AFF2: variants seen among roughly 807,000 people sequenced by gnomAD.
AFF2 encodes the protein ALF transcription elongation factor 2, also known as AF4/FMR2 family member 2.
AFF2 carries 14 observed loss-of-function variants against 76.9 expected under a neutral mutation model. The observed-to-expected ratio is 0.18, with a 90% CI of 0.12 to 0.28. The LOEUF is 0.28. Among genes scored for constraint, AFF2 ranks in the 10% least tolerant of loss-of-function variants. The pLI is 1.00. For synonymous variants in AFF2, 398 were observed against 366.7 expected (o/e 1.09, Z -0.98); for missense variants, 868 against 1,001.1 (o/e 0.87, Z 1.79).
At chrX:148,841,648 T>A (rs1557274290) in intron 5 of AFF2, among the ~76,000 whole-genome samples, 2 of 111,884 alleles carry the variant, frequency 1.8e-5, no homozygotes, top group Non-Finnish European at 3.8e-5. Context: ...TCTGTGTCAT[T>A]TTTGTGGGCT....
chrX:148,898,752 A>G (rs1376332375), intron 8 of AFF2, among the ~76,000 whole-genome samples: 1 of 111,593 alleles, frequency 9.0e-6, no homozygotes, highest in Non-Finnish European at 1.9e-5. Flanking sequence ...GTCCAGGCCT[A>G]TGAGTTTGCC....
At chrX:148,648,215 C>T (rs1169718016) in intron 1 of AFF2, among the ~76,000 whole-genome samples, 1 of 111,254 alleles carries the variant, frequency 9.0e-6, no homozygotes, top group Non-Finnish European at 1.9e-5. Context: ...AGGGCAGTTC[C>T]TCTGTTTGTG....
chrX:148,566,496 A>C (rs1361743663), intron 1 of AFF2, among the ~76,000 whole-genome samples: 1 of 111,359 alleles, frequency 9.0e-6, no homozygotes, highest in Admixed American at 9.6e-5. Flanking sequence ...ATAGTTCTCT[A>C]TTTGAATCAG....
intron 1 of AFF2, among the ~76,000 whole-genome samples, chrX:148,518,668 A>G (rs2052563982): frequency 8.9e-6 from 1 of 111,947 alleles, no homozygotes; most frequent in African/African-American, 3.3e-5. Flanking sequence ...TGCAGAAGGA[A>G]TTCCAGCATT....
At chrX:148,681,723 G>GGAAA (rs1171039681) in intron 3 of AFF2, among the ~76,000 whole-genome samples, 1 of 110,000 alleles carries the variant, frequency 9.1e-6, no homozygotes, top group Non-Finnish European at 1.9e-5. Context: ...AAAGAAAGAA[G>GGAAA]GAAAGAAAGA....
chrX:148,728,011 A>G (rs782716241), intron 3 of AFF2, among the ~76,000 whole-genome samples: 103 of 112,430 alleles, frequency 9.2e-4, no homozygotes, highest in African/African-American at 3.2e-3. Flanking sequence ...CCATTAGAAC[A>G]GGGAAAAAGT....
At chrX:148,806,390 A>G (rs1310091832) in intron 3 of AFF2, among the ~76,000 whole-genome samples, 1 of 111,565 alleles carries the variant, frequency 9.0e-6, no homozygotes, top group Non-Finnish European at 1.9e-5. Context: ...TCACTCCCAT[A>G]TGGAGCGAGG....
intron 1 of AFF2, among the ~76,000 whole-genome samples, chrX:148,532,577 CAAAT>C (rs2052741280): frequency 8.9e-6 from 1 of 111,995 alleles, no homozygotes; most frequent in Non-Finnish European, 1.9e-5. Flanking sequence ...TAGAAACAGA[CAAAT>C]AAGATAAAGG....
At chrX:148,754,126 A>G (rs987429964) in intron 3 of AFF2, among the ~76,000 whole-genome samples, 1 of 111,706 alleles carries the variant, frequency 9.0e-6, no homozygotes, top group Non-Finnish European at 1.9e-5. Flanking sequence ...CACTGAACCT[A>G]CTAAAACTAT....
At chrX:148,736,487 T>G (rs1284939599) in intron 3 of AFF2, among the ~76,000 whole-genome samples, 1 of 111,411 alleles carries the variant, frequency 9.0e-6, no homozygotes, top group East Asian at 2.8e-4. Context: ...AATGATTTGT[T>G]TGAGTTCGTT....
chrX:148,637,402 T>G (rs1461822920), intron 1 of AFF2, among the ~76,000 whole-genome samples: 2 of 112,350 alleles, frequency 1.8e-5, no homozygotes, highest in Non-Finnish European at 3.8e-5. Flanking sequence ...TAGGTTAGAC[T>G]GTTACAACAA....
At chrX:148,951,353 TAAAAA>T (rs5904255) in intron 9 of AFF2, among the ~76,000 whole-genome samples, 3 of 111,602 alleles carry the variant, frequency 2.7e-5, no homozygotes, top group African/African-American at 9.8e-5. Flanking sequence ...CAGAAGTTGC[TAAAAA>T]ATTATCTAGT....
intron 4 of AFF2, among the ~76,000 whole-genome samples, chrX:148,835,389 G>T (rs1348868285): frequency 9.1e-6 from 1 of 110,053 alleles, no homozygotes; most frequent in African/African-American, 3.3e-5. Flanking sequence ...GACAAAAATT[G>T]TACATACTTA....
At chrX:148,784,038 G>A (rs2069780681) in intron 3 of AFF2, among the ~76,000 whole-genome samples, 1 of 112,016 alleles carries the variant, frequency 8.9e-6, no homozygotes, top group South Asian at 3.7e-4. Context: ...AACTGGTTTT[G>A]CCATTTTGCA....
At chrX:148,978,241 T>C (rs981058700) in intron 17 of AFF2, 121 bp from the exon 18 acceptor site, 1 of 550,907 alleles carries the variant, frequency 1.8e-6, no homozygotes, top group African/African-American at 2.3e-5. Context: ...CTTTATTTAC[T>C]TATGTTTCTC....
intron 3 of AFF2, among the ~76,000 whole-genome samples, chrX:148,692,054 T>C (rs1291394022): frequency 2.7e-5 from 3 of 110,515 alleles, no homozygotes; most frequent in Non-Finnish European, 5.7e-5. Context: ...TTCTTTTTTT[T>C]TTTTGCCTGA....
At chrX:148,977,347 C>T (rs1274404218) in intron 16 of AFF2, among the ~76,000 whole-genome samples, 1 of 109,521 alleles carries the variant, frequency 9.1e-6, no homozygotes, top group East Asian at 2.8e-4. Context: ...GGTGCTTAGA[C>T]CTTAAAATGC....
chrX:148,815,097 G>T (rs1486996490), intron 4 of AFF2, among the ~76,000 whole-genome samples: 1 of 112,021 alleles, frequency 8.9e-6, no homozygotes, highest in Non-Finnish European at 1.9e-5. Flanking sequence ...CAGAAAGCAT[G>T]TATCTTATTT....
intron 3 of AFF2, among the ~76,000 whole-genome samples, chrX:148,783,307 G>A (rs781789764): frequency 9.0e-6 from 1 of 111,287 alleles, no homozygotes; most frequent in South Asian, 3.9e-4. Context: ...AAGAGGTTTG[G>A]GTGAGGTTTT....
Sources: allele counts gnomAD v4.1 joint callset (sites outside exome capture counted in the v4.1 genomes callset), GRCh38; gene constraint gnomAD v4.1.1; transcripts MANE v1.5; gene names NCBI Gene and HGNC (gene_info 2026-07-23, HGNC 2026-07-21).